The following TTK variants were observed in gnomAD, a reference collection of about 807,000 sequenced individuals.
The protein encoded by TTK is dual specificity protein kinase TTK.
TTK carries 59 observed loss-of-function variants against 117.3 expected under a neutral mutation model. The ratio of observed to expected loss-of-function variants is 0.50; its 90% CI spans 0.41 to 0.62. TTK has a LOEUF of 0.62. TTK is among the 20% of genes least tolerant of loss of function. TTK has a pLI of 0.00. For synonymous variants in TTK, 302 were observed against 325.0 expected, an observed-to-expected ratio of 0.93 and a Z score of 0.76; for missense variants, 921 against 989.4, an observed-to-expected ratio of 0.93 and a Z score of 0.93.
At chr6:80,028,333 T>A (rs1032640367) in intron 13 of TTK, among the ~76,000 whole-genome samples, 2 of 142,494 alleles carry the variant, frequency 1.4e-5, no homozygotes, top group African/African-American at 2.6e-5. Flanking sequence ...TTATTTATTT[T>A]TTGAGACAGA....
Position 80,008,031 on chromosome 6 carries a change from C to T in TTK, c.362C>T (p.Ala121Val), listed in dbSNP as rs766698455. 28 of 1,612,406 alleles carry T rather than the reference C, an allele frequency of 1.7e-5. No homozygotes were observed. The highest frequency in any genetic ancestry group is 6.7e-5 in the African/African-American group (5 of 74,806). ...CAAGTGAGATTTGCTGAATTAAAAG[C>T]GTAAGTATTAGCATTTTAACTATGT... ...RIQVRFAELK[A>V]IQEPDDARDY... The change falls in exon 3 of 22, where the codon GCT becomes GTT. Residue 121 changes from alanine to valine, a missense_variant and splice_region_variant. Coordinates refer to ENST00000369798, the MANE Select transcript of TTK (RefSeq NM_003318.5).
intron 13 of TTK, among the ~76,000 whole-genome samples, chr6:80,030,604 T>A (rs1767731627): frequency 6.6e-6 from 1 of 151,550 alleles, no homozygotes. Flanking sequence ...ATGGCTGGAG[T>A]GGGAGGGAGA....
rs778878450 is a variant in TTK at position 80,040,156 on chromosome 6, CCTG to C, written c.2308-37_2308-35del. On this transcript the variant is annotated intron_variant, in intron 19 of 21. Transcript: ENST00000369798. Reference sequence around the variant, plus strand: ...ACTTTATCAATATCATATATGAAAACCTGCTTTGTTTTTCTTTTAAAATATCTT... The same window carrying C: ...ACTTTATCAATATCATATATGAAAACCTTTGTTTTTCTTTTAAAATATCTT... 8.3e-5 allele frequency: 121 copies of C among 1,454,622 alleles called. No individual in the cohort carries two copies. In the East Asian group the frequency reaches 2.9e-3, roughly 35 times the overall value. The allele number at this position is 1,454,622 out of a possible 1,614,324, so 90.1% of individuals were successfully genotyped here. A position where few individuals can be genotyped will look rare whatever the true frequency, so the allele number is the denominator to read the frequency against.
intron 19 of TTK, 32 bp from the exon 20 acceptor site, chr6:80,040,160 CTTTG>C: frequency 6.8e-7 from 1 of 1,465,806 alleles, no homozygotes; most frequent in Non-Finnish European, 9.1e-7. Context: ...TGAAAACCTG[CTTTG>C]TTTTTCTTTT....
chr6:80,040,621 A>G lies in TTK; in HGVS notation c.2408A>G (p.Lys803Arg). 3 of 1,611,704 alleles carry G rather than the reference A, an allele frequency of 1.9e-6. No homozygotes were observed. Among genetic ancestry groups the G allele is most frequent in the South Asian group, 1.1e-5 (1 of 90,914 alleles). The change falls in exon 21 of 22, where the codon AAG becomes AGG. Residue 803 changes from lysine to arginine, a missense_variant. Lys to Arg is a conservative substitution (Grantham distance 26). Coordinates refer to ENST00000369798, the MANE Select transcript of TTK (RefSeq NM_003318.5). ...IQTHPVNQMA[K>R]GTTEEMKYVL... ...TATTTTATAGTTAACCAAATGGCCA[A>G]GGGAACCACTGAAGAAATGAAATAT...
intron 11 of TTK, among the ~76,000 whole-genome samples, chr6:80,024,927 C>T (rs1767566153): frequency 6.6e-6 from 1 of 152,154 alleles, no homozygotes; most frequent in African/African-American, 2.4e-5. Context: ...TTACTCTCAT[C>T]TCTGAATGTC....
chr6:80,024,609 G>A (rs1224268217), intron 11 of TTK, among the ~76,000 whole-genome samples: 1 of 152,164 alleles, frequency 6.6e-6, no homozygotes, highest in East Asian at 1.9e-4. Context: ...AGTGGGGAGT[G>A]GGGAGTGATT....
intron 12 of TTK, among the ~76,000 whole-genome samples, chr6:80,026,876 A>G (rs1342014604): frequency 2.0e-5 from 3 of 152,338 alleles, no homozygotes; most frequent in South Asian, 2.1e-4. Flanking sequence ...TAAAGAGTAG[A>G]TGAATTTTTT....
intron 14 of TTK, among the ~76,000 whole-genome samples, chr6:80,033,043 T>TA (rs1767800536): frequency 6.6e-5 from 10 of 152,200 alleles, no homozygotes; most frequent in Admixed American, 6.5e-4. Flanking sequence ...TTCAGCATGC[T>TA]ATGCTAATCA....
At chr6:80,022,167 T>A (rs894258167) in intron 10 of TTK, among the ~76,000 whole-genome samples, 157 bp from the exon 11 acceptor site, 1 of 152,226 alleles carries the variant, frequency 6.6e-6, no homozygotes, top group Non-Finnish European at 1.5e-5. Context: ...TAAAAGCAAA[T>A]TGTTAAGCAG....
Position 80,035,129 on chromosome 6 carries a change from C to T in TTK, c.1759C>T (p.Arg587Ter), listed in dbSNP as rs764385212. Residue 587 changes from arginine to a stop codon, truncating the protein, a stop_gained, in exon 15 of 22, where the codon CGA becomes TGA. Coordinates refer to ENST00000369798, the MANE Select transcript of TTK (RefSeq NM_003318.5). LOFTEE classifies it high-confidence loss of function. ...ACAACAACACAGTGATAAGATCATC[C>T]GACTTTATGATTAGTAAGAATTCTT... ...KLQQHSDKII[R>*]LYDYEITDQY... 5.2e-6 allele frequency: 8 copies of T among 1,553,270 alleles called. No homozygotes were observed. Among genetic ancestry groups the T allele is most frequent in the South Asian group, 3.7e-5 (3 of 80,180 alleles).
intron 1 of TTK, 171 bp from the exon 2 acceptor site, chr6:80,005,671 G>A (rs981844482): frequency 8.0e-6 from 5 of 621,922 alleles, no homozygotes; most frequent in Non-Finnish European, 1.3e-5. Flanking sequence ...TTACAAAGAT[G>A]TGTACCTTGT....
At chr6:80,035,512 T>G in intron 16 of TTK, 95 bp downstream of exon 16, 1 of 1,261,986 alleles carries the variant, frequency 7.9e-7, no homozygotes, top group Non-Finnish European at 1.1e-6. Context: ...CATTGGTTAT[T>G]GGTGTCTTTA....
At chr6:80,012,237 C>G (rs1767179539) in intron 8 of TTK, among the ~76,000 whole-genome samples, 1 of 151,956 alleles carries the variant, frequency 6.6e-6, no homozygotes, top group Non-Finnish European at 1.5e-5. Context: ...GCTTAAAAGA[C>G]TGATATTTGA....
chr6:80,027,825 G>T, intron 12 of TTK, 60 bp from the exon 13 acceptor site: 2 of 1,317,384 alleles, frequency 1.5e-6, no homozygotes, highest in Non-Finnish European at 2.0e-6. Flanking sequence ...ACATGAAACT[G>T]AATCAGACTT....
At chr6:80,040,168 T>C (rs34666876) in intron 19 of TTK, 28 bp from the exon 20 acceptor site, 21,933 of 1,501,410 alleles carry the variant, frequency 0.015, 201 homozygotes, top group Non-Finnish European at 0.017. Flanking sequence ...TGCTTTGTTT[T>C]TCTTTTAAAA....
At chr6:80,013,586 CTT>C (rs1767224980) in intron 9 of TTK, 1 of 377,736 alleles carries the variant, frequency 2.6e-6, no homozygotes, top group African/African-American at 2.1e-5. Flanking sequence ...GATCAACAAT[CTT>C]TTAAGAGAAT....
Position 80,040,715 on chromosome 6 carries a change from TATTCTTTACATTA to T in TTK, c.2490+16_2490+28del. On this transcript the variant is annotated intron_variant, in intron 21 of 21. Transcript: ENST00000369798. ...TGAAAGCTGCTAAAGTAAGTATGTC[TATTCTTTACATTA>T]ATTTTTACTGTTTTATATAGTGAAT... The T allele has an allele frequency of 6.2e-7, 1 of 1,605,684 alleles. No individual in the cohort carries two copies. Among genetic ancestry groups the T allele is most frequent in the Non-Finnish European group, 8.5e-7 (1 of 1,175,818 alleles).
At chr6:80,040,726 T>G (rs758314967) in intron 21 of TTK, 23 bp downstream of exon 21, 1 of 1,600,806 alleles carries the variant, frequency 6.2e-7, no homozygotes, top group African/African-American at 1.3e-5. Context: ...ATTCTTTACA[T>G]TAATTTTTAC....
Sources: allele counts gnomAD v4.1 joint callset (sites outside exome capture counted in the v4.1 genomes callset), GRCh38; gene constraint gnomAD v4.1.1; transcripts MANE v1.5; gene names NCBI Gene and HGNC (gene_info 2026-07-23, HGNC 2026-07-21).